PRKCZ: variants seen among roughly 807,000 people sequenced by gnomAD.
PRKCZ encodes protein kinase C zeta type.
A neutral mutation model predicts 79.5 loss-of-function variants in PRKCZ; 33 were observed. That is an observed-to-expected ratio of 0.41 (90% confidence interval 0.31 to 0.55). The LOEUF (loss-of-function observed/expected upper bound fraction) is 0.55. PRKCZ is among the 20% of genes least tolerant of loss of function. The pLI is 0.19. For missense variants in PRKCZ, 578 were observed against 813.5 expected (o/e 0.71, Z 3.52); for synonymous variants, 342 against 320.9 (o/e 1.07, Z -0.70).
At position 2,114,592 on chromosome 1, in the gene PRKCZ, G is replaced by A. The variant is rs559250789; in HGVS notation, c.335-20670G>A. On this transcript the variant is annotated intron_variant, in intron 4 of 17. Transcript: ENST00000378567. ...AGTTTGAGACCATCCTGGCTAACACGGTGAAATCCAGTCTCTACTAAAAAT... is the reference window on the plus strand; with the variant it reads ...AGTTTGAGACCATCCTGGCTAACACAGTGAAATCCAGTCTCTACTAAAAAT... 5.9e-5 allele frequency among the ~76,000 whole-genome samples: 9 copies of A among 152,262 alleles called. No homozygotes were observed. In the South Asian group the frequency reaches 1.2e-3, roughly 21 times the overall value.
chr1:2,157,292 C>G (rs992489116), intron 10 of PRKCZ, among the ~76,000 whole-genome samples: 1 of 152,198 alleles, frequency 6.6e-6, no homozygotes, highest in Non-Finnish European at 1.5e-5. Flanking sequence ...CAGCCAGCTA[C>G]TAGGGCGTCC....
chr1:2,086,857 C>T lies in PRKCZ; in HGVS notation c.334+27266C>T, dbSNP rs1216745683. On this transcript the variant is annotated intron_variant, in intron 4 of 17. Coordinates refer to ENST00000378567, the MANE Select transcript of PRKCZ (RefSeq NM_002744.6). ...TGCGGATGACACAGCTTCAGAGCCG[C>T]GGCATCGTCACCAGGGCAGCAGACC... Among the ~76,000 whole-genome samples the T allele has an allele frequency of 4.6e-5, 7 of 152,316 alleles. 1 individual carries two copies. Among genetic ancestry groups the T allele is most frequent in the South Asian group, 2.1e-4 (1 of 4,828 alleles).
chr1:2,099,043 C>A (rs963162637), intron 4 of PRKCZ, among the ~76,000 whole-genome samples: 1 of 151,232 alleles, frequency 6.6e-6, no homozygotes, highest in African/African-American at 2.5e-5. Context: ...GCTGTGACTT[C>A]CGTCGTTGTC....
chr1:2,070,083 G>T (rs1213661970), intron 4 of PRKCZ, among the ~76,000 whole-genome samples: 2 of 152,152 alleles, frequency 1.3e-5, no homozygotes, highest in African/African-American at 4.8e-5. Context: ...TACAAAGTCC[G>T]CTGGGCTGGG....
chr1:2,053,541 G>A (rs1659889023), intron 1 of PRKCZ, among the ~76,000 whole-genome samples: 1 of 152,202 alleles, frequency 6.6e-6, no homozygotes, highest in African/African-American at 2.4e-5. Flanking sequence ...CTGCTGAAGG[G>A]CACAGGGCAG....
At position 2,149,049 on chromosome 1, in the gene PRKCZ, C is replaced by T. The variant is rs762355017; in HGVS notation, c.687+125C>T. 3.6e-5 allele frequency: 38 copies of T among 1,045,720 alleles called. No individual in the cohort carries two copies. Among genetic ancestry groups the T allele is most frequent in the Non-Finnish European group, 5.2e-5 (36 of 697,624 alleles). The allele number at this position is 1,045,720 out of a possible 1,614,324, so 64.8% of individuals were successfully genotyped here. A position where few individuals can be genotyped will look rare whatever the true frequency, so the allele number is the denominator to read the frequency against. On this transcript the variant is annotated intron_variant, in intron 8 of 17. Transcript: ENST00000378567. The surrounding 1 kb of genome is among the most constrained non-coding windows in gnomAD (Gnocchi z 4.1). ...ATGGTCCGGGGTGTTGCTAACTAAT[C>T]TTCACGGGTGTGGATGTCTAGAAGG...
chr1:2,100,582 A>C (rs1382119145), intron 4 of PRKCZ, among the ~76,000 whole-genome samples: 1 of 152,228 alleles, frequency 6.6e-6, no homozygotes, highest in Admixed American at 6.5e-5. Flanking sequence ...GTTTGCACAG[A>C]AAGTGGAGCC....
chr1:2,147,930 C>A (rs1337235651), intron 7 of PRKCZ, among the ~76,000 whole-genome samples: 1 of 151,860 alleles, frequency 6.6e-6, no homozygotes. Context: ...ACTGACCTCT[C>A]CGTCTATCCA....
intron 2 of PRKCZ, 95 bp from the exon 3 acceptor site, chr1:2,056,389 C>G (rs550911239): frequency 3.4e-5 from 40 of 1,167,646 alleles, no homozygotes; most frequent in Middle Eastern, 5.5e-4. Context: ...CTTTGCCCCC[C>G]ACCAGACCCT....
intron 16 of PRKCZ, among the ~76,000 whole-genome samples, chr1:2,181,018 C>G (rs1338646823): frequency 6.6e-6 from 1 of 152,204 alleles, no homozygotes; most frequent in Non-Finnish European, 1.5e-5. Context: ...TGGGGCTCGT[C>G]CATTCTGTGC....
intron 10 of PRKCZ, among the ~76,000 whole-genome samples, chr1:2,157,449 G>T (rs1297285129): frequency 6.6e-6 from 1 of 151,304 alleles, no homozygotes. Flanking sequence ...ATGGAGTCTC[G>T]CTCTATCACC....
Position 2,177,779 on chromosome 1 carries a change from C to G in PRKCZ, c.1575+2466C>G, listed in dbSNP as rs551884435. On this transcript the variant is annotated intron_variant, in intron 16 of 17. Coordinates refer to ENST00000378567, the MANE Select transcript of PRKCZ (RefSeq NM_002744.6). This position sits in a 1 kb window ranked among gnomAD's most constrained non-coding sequence, Gnocchi z 6.4. ...ACTGCAGAATCACCCCCGTGGCTGC[C>G]CACAGGGGCGGCTTCCATCACCCTG... Among the ~76,000 whole-genome samples, 1 of 152,324 alleles carries G rather than the reference C, an allele frequency of 6.6e-6. No individual in the cohort carries two copies. Among genetic ancestry groups the G allele is most frequent in the Non-Finnish European group, 1.5e-5 (1 of 68,026 alleles).
intron 16 of PRKCZ, among the ~76,000 whole-genome samples, chr1:2,180,660 T>C (rs77958421): frequency 0.014 from 2,180 of 152,184 alleles, 51 homozygotes; most frequent in East Asian, 0.082. Context: ...ATGACATGGA[T>C]GCACGGACGA....
rs1432119530 is a variant in PRKCZ at position 2,127,171 on chromosome 1, T to C, written c.335-8091T>C. 6.6e-6 allele frequency among the ~76,000 whole-genome samples: 1 copy of C among 152,220 alleles called. No individual in the cohort carries two copies. The highest frequency in any genetic ancestry group is 1.5e-5 in the Non-Finnish European group (1 of 68,030). On this transcript the variant is annotated intron_variant, in intron 4 of 17. Coordinates refer to ENST00000378567, the MANE Select transcript of PRKCZ (RefSeq NM_002744.6). The surrounding 1 kb of genome is among the most constrained non-coding windows in gnomAD (Gnocchi z 5.1). ...GGCTGCCAGTCCCCAAAACAGACCC[T>C]GCGCCCCGGGCAACCATCTGCTTCC...
chr1:2,087,936 G>A (rs1664820703), intron 4 of PRKCZ, among the ~76,000 whole-genome samples: 1 of 152,238 alleles, frequency 6.6e-6, no homozygotes, highest in South Asian at 2.1e-4. Flanking sequence ...CTTCGAGGCT[G>A]GGAACGCTGG....
In PRKCZ at chr1:2,110,915, C is replaced by T. The variant is rs370424543; in HGVS notation, c.335-24347C>T. 1.0e-3 allele frequency among the ~76,000 whole-genome samples: 154 copies of T among 152,088 alleles called. 1 individual carries two copies. The highest frequency in any genetic ancestry group is 3.4e-3 in the African/African-American group (141 of 41,474). On this transcript the variant is annotated intron_variant, in intron 4 of 17. Coordinates refer to ENST00000378567, the MANE Select transcript of PRKCZ (RefSeq NM_002744.6). ...CGGTGTAGTTCCTGAGAGACCGAGC[C>T]GGAAGGTGAGGGACTGGAAGCTTGC...
intron 4 of PRKCZ, among the ~76,000 whole-genome samples, chr1:2,114,689 G>T (rs1236988988): frequency 6.6e-6 from 1 of 152,088 alleles, no homozygotes; most frequent in South Asian, 2.1e-4. Flanking sequence ...CAGGAGAATC[G>T]CTTGAACCCG....
intron 9 of PRKCZ, among the ~76,000 whole-genome samples, chr1:2,151,791 G>A (rs937818365): frequency 6.6e-6 from 1 of 152,126 alleles, no homozygotes; most frequent in Admixed American, 6.6e-5. Context: ...GGAGTGTTGG[G>A]ACTACAGGCA....
chr1:2,113,231 T>A (rs2102736820), intron 4 of PRKCZ, among the ~76,000 whole-genome samples: 1 of 152,246 alleles, frequency 6.6e-6, no homozygotes, highest in Middle Eastern at 3.4e-3. Flanking sequence ...TAATGTAAGG[T>A]TTTAACGTAA....
Sources: gnomAD v4.1 joint callset for allele counts (sites outside exome capture counted in the v4.1 genomes callset) on GRCh38, gnomAD v4.1.1 for gene constraint, Gnocchi (gnomAD v3.1) non-coding constraint, MANE v1.5 for transcripts, NCBI Gene and HGNC (gene_info 2026-07-23, HGNC 2026-07-21) for gene names.